Variants in BAZ1A observed in about 807,000 individuals in gnomAD.
The protein encoded by BAZ1A is bromodomain adjacent to zinc finger domain 1A.
A neutral mutation model predicts 185.2 loss-of-function variants in BAZ1A; 50 were observed. The ratio of observed to expected loss-of-function variants is 0.27; its 90% CI spans 0.22 to 0.34. The LOEUF (loss-of-function observed/expected upper bound fraction) is 0.34, where lower values mean the gene tolerates loss of function less well. BAZ1A is among the 10% of genes least tolerant of loss of function. The probability of loss-of-function intolerance (pLI) is 1.00; values close to 1 mark genes in which losing one functional copy is unlikely to be tolerated. For synonymous variants in BAZ1A, 571 were observed against 615.6 expected (o/e 0.93, Z 1.07); for missense variants, 1,356 against 1,839.9 (o/e 0.74, Z 4.81).
At chr14:34,760,347 GA>G (rs1594808503) in intron 24 of BAZ1A, among the ~76,000 whole-genome samples, 1 of 152,134 alleles carries the variant, frequency 6.6e-6, no homozygotes, top group African/African-American at 2.4e-5. Context: ...ACAAAATTAG[GA>G]TACTTCCCCT....
At chr14:34,814,092 C>G (rs1467843027) in intron 4 of BAZ1A, among the ~76,000 whole-genome samples, 1 of 147,526 alleles carries the variant, frequency 6.8e-6, no homozygotes, top group Non-Finnish European at 1.5e-5. Context: ...CAAGGAAAAA[C>G]AAGTGAGTTT....
intron 3 of BAZ1A, among the ~76,000 whole-genome samples, chr14:34,838,868 G>T (rs7156153): frequency 2.0e-5 from 3 of 151,604 alleles, no homozygotes; most frequent in Non-Finnish European, 4.4e-5. Context: ...TACAGTAGTC[G>T]CAAAAAAGGT....
intron 8 of BAZ1A, 32 bp from the exon 9 acceptor site, chr14:34,800,422 A>C: frequency 6.8e-7 from 1 of 1,460,348 alleles, no homozygotes; most frequent in Non-Finnish European, 9.1e-7. Context: ...AGAACTATAT[A>C]TATAGACAAA....
rs1193842944 is a variant in BAZ1A, at chr14:34,759,767, T to C, written c.4244-921A>G. Reference sequence around the variant, plus strand: ...TTGGCTCACTGCAACTTCTGCCTCCTGGGTTCAAGCAATTCTCCTGCCTCA... The same window carrying C: ...TTGGCTCACTGCAACTTCTGCCTCCCGGGTTCAAGCAATTCTCCTGCCTCA... On this transcript the variant is annotated intron_variant, in intron 24 of 26. Coordinates refer to ENST00000360310, the MANE Select transcript of BAZ1A (RefSeq NM_013448.3). Among the ~76,000 whole-genome samples the C allele has an allele frequency of 2.0e-5, 3 of 152,074 alleles. No homozygotes were observed. In the East Asian group the frequency reaches 5.8e-4, roughly 29 times the overall value.
chr14:34,861,620 G>C (rs2042769834), intron 3 of BAZ1A, among the ~76,000 whole-genome samples: 2 of 152,100 alleles, frequency 1.3e-5, no homozygotes, highest in Admixed American at 6.5e-5. Context: ...ATTAGCTAAA[G>C]ATTTCTACTC....
intron 12 of BAZ1A, among the ~76,000 whole-genome samples, chr14:34,787,663 A>G (rs569844405): frequency 6.6e-6 from 1 of 152,194 alleles, no homozygotes; most frequent in Non-Finnish European, 1.5e-5. Flanking sequence ...AGCCTGGGCG[A>G]CAGAGTTAGA....
chr14:34,821,417 T>C (rs2042087446), intron 4 of BAZ1A, among the ~76,000 whole-genome samples: 1 of 152,222 alleles, frequency 6.6e-6, no homozygotes, highest in African/African-American at 2.4e-5. Context: ...TTCCCTTTTC[T>C]TTAAACAACC....
intron 17 of BAZ1A, among the ~76,000 whole-genome samples, chr14:34,777,947 C>T (rs573968593): frequency 2.6e-5 from 4 of 152,202 alleles, no homozygotes; most frequent in African/African-American, 4.8e-5. Flanking sequence ...GCCGAGATGG[C>T]GCCACTGCAC....
intron 4 of BAZ1A, among the ~76,000 whole-genome samples, chr14:34,818,859 C>T (rs2042042885): frequency 6.6e-6 from 1 of 151,888 alleles, no homozygotes; most frequent in Admixed American, 6.6e-5. Context: ...AATGAATCTT[C>T]GGCCGGGCGC....
chr14:34,838,351 G>A (rs1271150408), intron 3 of BAZ1A, among the ~76,000 whole-genome samples: 1 of 152,058 alleles, frequency 6.6e-6, no homozygotes, highest in Non-Finnish European at 1.5e-5. Context: ...AAAGTTACTG[G>A]CAATATAGAT....
chr14:34,768,388 A>T (rs1050779755), intron 21 of BAZ1A, among the ~76,000 whole-genome samples: 1 of 152,226 alleles, frequency 6.6e-6, no homozygotes, highest in African/African-American at 2.4e-5. Context: ...TGAAACAGGT[A>T]AACATAAGTT....
intron 24 of BAZ1A, among the ~76,000 whole-genome samples, chr14:34,760,463 T>C (rs1274400938): frequency 6.6e-6 from 1 of 150,378 alleles, no homozygotes. Flanking sequence ...ATATAATGTA[T>C]CTAAAATTCT....
chr14:34,769,950 A>G (rs1469206522), intron 21 of BAZ1A, among the ~76,000 whole-genome samples: 1 of 152,110 alleles, frequency 6.6e-6, no homozygotes, highest in Non-Finnish European at 1.5e-5. Flanking sequence ...TACATATTTT[A>G]TTTCTTACAA....
At chr14:34,803,271 C>G (rs1340468389) in intron 6 of BAZ1A, among the ~76,000 whole-genome samples, 1 of 149,902 alleles carries the variant, frequency 6.7e-6, no homozygotes, top group South Asian at 2.1e-4. Flanking sequence ...CCCAGGTACT[C>G]GGGAGGCTGA....
chr14:34,754,175 C>T (rs1886136474), intron 26 of BAZ1A, among the ~76,000 whole-genome samples: 1 of 151,104 alleles, frequency 6.6e-6, no homozygotes, highest in African/African-American at 2.4e-5. Context: ...TCACTTGAAC[C>T]CAGGAGGCAG....
At position 34,774,448 on chromosome 14, in the gene BAZ1A, C is replaced by G; in HGVS notation, c.2876G>C (p.Arg959Thr). The change falls in exon 19 of 27, where the codon AGA becomes ACA. Residue 959 changes from arginine to threonine, a missense_variant. Physicochemically the swap from Arg to Thr is moderately conservative, Grantham distance 71 (BLOSUM62 -1). Transcript: ENST00000360310. ...AGATGGATCATATGCATTGGAAGAT[C>G]TTCCCCGACTATATGTTGGTTTGCT... ...PDSKPTYSRG[R>T]SSNAYDPSQM... is the part of the protein sequence containing the mutation. The G allele has an allele frequency of 6.2e-7, 1 of 1,610,442 alleles. No individual in the cohort carries two copies. The highest frequency in any genetic ancestry group is 8.5e-7 in the Non-Finnish European group (1 of 1,178,498).
At chr14:34,767,100 A>G (rs935168475) in intron 21 of BAZ1A, among the ~76,000 whole-genome samples, 1 of 152,340 alleles carries the variant, frequency 6.6e-6, no homozygotes, top group African/African-American at 2.4e-5. Context: ...ATTACTTAGA[A>G]TGCAGCATCA....
chr14:34,835,617 A>C (rs2042315564), intron 3 of BAZ1A, among the ~76,000 whole-genome samples: 1 of 151,884 alleles, frequency 6.6e-6, no homozygotes, highest in African/African-American at 2.4e-5. Context: ...AGTACAGTAT[A>C]AGGGCACAAC....
chr14:34,836,520 A>G (rs979243605), intron 3 of BAZ1A, among the ~76,000 whole-genome samples: 1 of 151,754 alleles, frequency 6.6e-6, no homozygotes, highest in African/African-American at 2.4e-5. Context: ...GCCTGGGAAG[A>G]CCTACTTGAA....
Sources: gnomAD v4.1 joint callset for allele counts (sites outside exome capture counted in the v4.1 genomes callset) on GRCh38, gnomAD v4.1.1 for gene constraint, MANE v1.5 for transcripts, NCBI Gene and HGNC (gene_info 2026-07-23, HGNC 2026-07-21) for gene names.